The following ATG16L2 variants were observed in gnomAD, a reference collection of about 807,000 sequenced individuals.
ATG16L2 encodes autophagy related 16 like 2, also known as protein Atg16l2.
ATG16L2 carries 77 observed loss-of-function variants against 84.7 expected under a neutral mutation model. That is an observed-to-expected ratio of 0.91 (90% CI 0.76 to 1.10). ATG16L2 has a LOEUF of 1.10. Among genes scored for constraint, ATG16L2 ranks in the 50% least tolerant of loss-of-function variants. ATG16L2 has a pLI of 0.00. For synonymous variants in ATG16L2, 361 were observed against 342.8 expected (o/e 1.05, Z -0.59); for missense variants, 782 against 817.6 (o/e 0.96, Z 0.53).
Position 72,826,242 on chromosome 11 carries a change from C to T in ATG16L2, c.1172C>T (p.Ser391Leu), listed in dbSNP as rs769689284. The T allele has an allele frequency of 3.1e-6, 5 of 1,613,692 alleles. No individual in the cohort carries two copies. Among genetic ancestry groups the T allele is most frequent in the African/African-American group, 1.3e-5 (1 of 75,052 alleles). The part of the protein sequence containing the change: ...GSITSVDFDP[S>L]GYQVLAATYN... ...ATCACCAGTGTGGACTTTGACCCCT[C>T]GGTGAGGAACTCTGCCCCAGTGGCA... The change falls in exon 11 of 18, where the codon TCG (serine) becomes TTG (leucine). Residue 391 changes from serine to leucine, a missense_variant and splice_region_variant. By Grantham distance (145) the Ser-to-Leu change is moderately radical (BLOSUM62 -2). Transcript: ENST00000321297.
chr11:72,826,794 T>C lies in ATG16L2; in HGVS notation c.1337T>C (p.Val446Ala). 2.5e-6 allele frequency: 4 copies of C among 1,613,822 alleles called. No homozygotes were observed. Among genetic ancestry groups the C allele is most frequent in the Non-Finnish European group, 3.4e-6 (4 of 1,179,956 alleles). Reference protein sequence around the residue: ...QAVTGSRDRTVKEWDLGRAYC... With the variant: ...QAVTGSRDRTAKEWDLGRAYC... ...GTGACTGGGAGCCGCGACCGGACAGTGAAGGAGTGGGACCTCGGCCGTGCC... is the reference window on the plus strand; with the variant it reads ...GTGACTGGGAGCCGCGACCGGACAGCGAAGGAGTGGGACCTCGGCCGTGCC... Residue 446 changes from valine to alanine, a missense_variant, in exon 13 of 18, where the codon GTG becomes GCG. Val to Ala is a moderately conservative substitution (Grantham distance 64). Transcript: ENST00000321297.
chr11:72,837,575 G>A (rs1414967738), intron 5 of ATG16L2: 1 of 152,182 alleles, frequency 6.6e-6, no homozygotes, highest in Non-Finnish European at 1.5e-5. Flanking sequence ...TGACGTGGGG[G>A]CACCTGCTGC....
At chr11:72,829,225 G>T in intron 17 of ATG16L2, 78 bp from the exon 18 acceptor site, 1 of 1,499,952 alleles carries the variant, frequency 6.7e-7, no homozygotes. Flanking sequence ...AACTACCCAG[G>T]TCCAGCAGTC....
In ATG16L2 at chr11:72,836,716, A is replaced by C. The variant is rs553241964; in HGVS notation, c.*22-5901A>C. ...CCTTTTGGAAAGGTCTGTTTACCCA[A>C]ACCTTTCTATATTAAAACTTAGAAA... On this transcript the variant is annotated intron_variant, in intron 5 of 5. Coordinates refer to the ATG16L2 transcript ENST00000534905. 3 of 152,706 alleles carry C rather than the reference A, an allele frequency of 2.0e-5. No individual in the cohort carries two copies. The East Asian group carries it at 5.8e-4, about 29-fold the overall frequency. The allele number at this position is 152,706 out of a possible 1,614,324, so 9.5% of individuals were successfully genotyped here.
At chr11:72,843,135 T>C in exon 6 of ATG16L2, 1 of 1,613,284 alleles carries the variant, frequency 6.2e-7, no homozygotes. Context: ...AAAGAGTGCC[T>C]TGTTTCAGTC....
exon 6 of ATG16L2, chr11:72,843,016 C>T (rs573883375): frequency 3.6e-5 from 34 of 948,766 alleles, no homozygotes; most frequent in East Asian, 7.8e-5. Context: ...GCAGGACAAA[C>T]GTGACCATAT....
intron 5 of ATG16L2, among the ~76,000 whole-genome samples, chr11:72,834,808 CT>C (rs1306346712): frequency 6.6e-6 from 1 of 152,228 alleles, no homozygotes; most frequent in African/African-American, 2.4e-5. Context: ...TGGTCTCAAA[CT>C]CCTGATCTCA....
chr11:72,826,672 C>T, intron 12 of ATG16L2, 31 bp from the exon 13 acceptor site: 1 of 1,614,134 alleles, frequency 6.2e-7, no homozygotes, highest in Non-Finnish European at 8.5e-7. Context: ...CTTGGCCAAA[C>T]TCTTGATCCG....
At chr11:72,814,627 G>A (rs935442762) in intron 1 of ATG16L2, 64 bp downstream of exon 1, 9 of 1,365,034 alleles carry the variant, frequency 6.6e-6, no homozygotes, top group Non-Finnish European at 7.0e-6. Context: ...CGCGGGGAGA[G>A]GGTTTGGCTG....
In ATG16L2 at chr11:72,842,795, A is replaced by G. The variant is rs768378654; in HGVS notation, c.*200A>G. ...TTGCTCCCTCAGGAAAAGATAACTC[A>G]TCATCTGTCTGGCCCTCATAATCAT... On this transcript the variant is annotated 3_prime_UTR_variant, in exon 6 of 6. Coordinates refer to the ATG16L2 transcript ENST00000534905. The G allele has an allele frequency of 6.2e-6, 10 of 1,613,868 alleles. No individual in the cohort carries two copies. In the African/African-American group the frequency reaches 1.2e-4, roughly 19 times the overall value.
chr11:72,841,079 G>A, intron 5 of ATG16L2: 3 of 734,432 alleles, frequency 4.1e-6, no homozygotes, highest in Admixed American at 2.1e-5. Context: ...GAGGCGGGAG[G>A]ATTACTTGAG....
In ATG16L2 at chr11:72,819,537, C is replaced by T. The variant is rs951225290; in HGVS notation, c.318+1682C>T. Among the ~76,000 whole-genome samples the T allele has an allele frequency of 3.9e-5, 6 of 152,240 alleles. No homozygotes were observed. The East Asian group carries it at 9.6e-4, about 24-fold the overall frequency. ...ACTACCTCTGTCCCCATGGTTAGTGCGCTGTAGATCTTCCAAAGCTCCTAG... is the reference window on the plus strand; with the variant it reads ...ACTACCTCTGTCCCCATGGTTAGTGTGCTGTAGATCTTCCAAAGCTCCTAG... On this transcript the variant is annotated intron_variant, in intron 3 of 17. Coordinates refer to ENST00000321297, the MANE Select transcript of ATG16L2 (RefSeq NM_033388.2).
At chr11:72,821,634 C>T (rs1171157094) in intron 3 of ATG16L2, 34 bp from the exon 4 acceptor site, 2 of 1,521,986 alleles carry the variant, frequency 1.3e-6, no homozygotes, top group Non-Finnish European at 1.8e-6. Flanking sequence ...CTGGAGGGGC[C>T]TCAGCGCCGC....
Position 72,822,958 on chromosome 11 carries a change from T to G in ATG16L2, c.821T>G (p.Phe274Cys). 1 of 1,560,902 alleles carries G rather than the reference T, an allele frequency of 6.4e-7. No individual in the cohort carries two copies. Among genetic ancestry groups the G allele is most frequent in the East Asian group, 2.4e-5 (1 of 42,410 alleles). Residue 274 changes from phenylalanine to cysteine, a missense_variant, in exon 7 of 18, where the codon TTC becomes TGC. Transcript: ENST00000321297. This position sits in a 1 kb window ranked among gnomAD's most constrained non-coding sequence, Gnocchi z 4.2. ...GCTTGTGAGAAGTGGAAGAGGCCCTTCAGGTGAGGACCCAGGTGACAGTCT... is the reference window on the plus strand; with the variant it reads ...GCTTGTGAGAAGTGGAAGAGGCCCTGCAGGTGAGGACCCAGGTGACAGTCT... ...KEACEKWKRP[F>C]RSASATSLTL...
intron 2 of ATG16L2, 59 bp downstream of exon 2, chr11:72,816,886 C>A: frequency 7.9e-7 from 1 of 1,266,468 alleles, no homozygotes; most frequent in Non-Finnish European, 1.1e-6. Flanking sequence ...CCTGCCCCTG[C>A]TGCCTGTGCT....
At position 72,822,352 on chromosome 11, in the gene ATG16L2, T is replaced by G; in HGVS notation, c.644+57T>G. On this transcript the variant is annotated intron_variant, in intron 5 of 17. Transcript: ENST00000321297. The surrounding 1 kb of genome is among the most constrained non-coding windows in gnomAD (Gnocchi z 4.2). Reference sequence around the variant, plus strand: ...AAGGCCCCGCCCCTGCAGGGAGGAGTCGGGCCTCGCCGGTGTCTGGAAGGG... The same window carrying G: ...AAGGCCCCGCCCCTGCAGGGAGGAGGCGGGCCTCGCCGGTGTCTGGAAGGG... 3.2e-6 allele frequency: 5 copies of G among 1,544,780 alleles called. No individual in the cohort carries two copies. Among genetic ancestry groups the G allele is most frequent in the East Asian group, 2.4e-5 (1 of 40,848 alleles).
chr11:72,834,591 T>C (rs1221467815), downstream of ATG16L2, among the ~76,000 whole-genome samples: 1 of 151,984 alleles, frequency 6.6e-6, no homozygotes, highest in Non-Finnish European at 1.5e-5. Flanking sequence ...ATTCCTTTTT[T>C]TTTTTTTTGG....
At position 72,825,417 on chromosome 11, in the gene ATG16L2, C is replaced by T; in HGVS notation, c.1102+10C>T. On this transcript the variant is annotated intron_variant, in intron 10 of 17. Transcript: ENST00000321297. ...TGGAATGTTGTGGGAAGTAAGGAGCCCTCCCCTGCCGGCCAACTTGGTGCT... is the reference window on the plus strand; with the variant it reads ...TGGAATGTTGTGGGAAGTAAGGAGCTCTCCCCTGCCGGCCAACTTGGTGCT... The T allele has an allele frequency of 3.7e-6, 6 of 1,607,394 alleles. No homozygotes were observed. The highest frequency in any genetic ancestry group is 5.1e-6 in the Non-Finnish European group (6 of 1,177,778).
At position 72,827,214 on chromosome 11, in the gene ATG16L2, T is replaced by C. The variant is rs1343267547; in HGVS notation, c.1393T>C (p.Tyr465His). 5 of 1,613,932 alleles carry C rather than the reference T, an allele frequency of 3.1e-6. No individual in the cohort carries two copies. Among genetic ancestry groups the C allele is most frequent in the Admixed American group, 3.3e-5 (2 of 60,006 alleles). Reference sequence around the variant, plus strand: ...CTCCAGGACCATCAATGTCCTTTCCTACTGTAATGACGTGGTGTGTGGGGA... The same window carrying C: ...CTCCAGGACCATCAATGTCCTTTCCCACTGTAATGACGTGGTGTGTGGGGA... ...YCSRTINVLS[Y>H]CNDVVCGDHI... is the part of the protein sequence containing the mutation. Residue 465 changes from tyrosine (Y) to histidine (H), a missense_variant, in exon 14 of 18, where the codon TAC (tyrosine) becomes CAC (histidine). By Grantham distance (83) the Tyr-to-His change is moderately conservative (BLOSUM62 2). Transcript: ENST00000321297.
Sources: gnomAD v4.1 joint callset for allele counts (sites outside exome capture counted in the v4.1 genomes callset) on GRCh38, gnomAD v4.1.1 for gene constraint, Gnocchi (gnomAD v3.1) non-coding constraint, MANE v1.5 for transcripts, NCBI Gene and HGNC (gene_info 2026-07-23, HGNC 2026-07-21) for gene names.